The following TTC3 variants were observed in gnomAD, a reference collection of about 807,000 sequenced individuals.
The protein encoded by TTC3 is E3 ubiquitin-protein ligase TTC3.
A neutral mutation model predicts 249.6 loss-of-function variants in TTC3; 180 were observed. The ratio of observed to expected loss-of-function variants is 0.72; its 90% confidence interval spans 0.64 to 0.82. TTC3 has a LOEUF of 0.82. Among genes scored for constraint, TTC3 ranks in the 40% least tolerant of loss-of-function variants. TTC3 has a pLI of 0.00. For synonymous variants in TTC3, 717 were observed against 805.0 expected, an observed-to-expected ratio of 0.89 and a Z score of 1.85; for missense variants, 2,061 against 2,398.4, an observed-to-expected ratio of 0.86 and a Z score of 2.94.
rs187447995 is a variant in TTC3 at position 37,103,542 on chromosome 21, G to C, written c.846-4850G>C. ...AGTTGTAGGATGTGGTCATATGCCA[G>C]TAAATGTGAAATTTTATTAGTATTA... On this transcript the variant is annotated intron_variant, in intron 10 of 45. Transcript: ENST00000355666. 2.6e-5 allele frequency among the ~76,000 whole-genome samples: 4 copies of C among 152,302 alleles called. No individual in the cohort carries two copies. In the East Asian group the frequency reaches 7.7e-4, roughly 29 times the overall value.
Position 37,134,867 on chromosome 21 carries a change from T to G in TTC3, c.1444-513T>G, listed in dbSNP as rs184699795. 5.4e-4 allele frequency among the ~76,000 whole-genome samples: 82 copies of G among 152,354 alleles called. 1 individual carries two copies. Among genetic ancestry groups the G allele is most frequent in the Non-Finnish European group, 1.1e-3 (72 of 68,028 alleles). On this transcript the variant is annotated intron_variant, in intron 17 of 45. Transcript: ENST00000355666. Reference sequence around the variant, plus strand: ...TCCCAGTAATTTTATCTACTTATATTCAAATATATGTTAGGCAGGAGTACA... The same window carrying G: ...TCCCAGTAATTTTATCTACTTATATGCAAATATATGTTAGGCAGGAGTACA...
chr21:37,140,753 AATT>A (rs1422783548), intron 20 of TTC3, 80 bp downstream of exon 20: 1 of 979,886 alleles, frequency 1.0e-6, no homozygotes, highest in Non-Finnish European at 1.5e-6. Context: ...CATTTTCTAG[AATT>A]ATTTTGATAT....
intron 14 of TTC3, 87 bp from the exon 15 acceptor site, chr21:37,125,993 C>G (rs2077011839): frequency 1.6e-6 from 2 of 1,277,246 alleles, no homozygotes; most frequent in African/African-American, 3.1e-5. Context: ...CTATCCTATT[C>G]TATTCTAAAT....
At chr21:37,126,354 TAAAAG>T (rs1253217969) in intron 15 of TTC3, among the ~76,000 whole-genome samples, 2 of 152,232 alleles carry the variant, frequency 1.3e-5, no homozygotes, top group Non-Finnish European at 2.9e-5. Context: ...GAAATTCAAA[TAAAAG>T]GAAAGGAAAA....
chr21:37,113,761 G>A (rs1293978610), intron 11 of TTC3, among the ~76,000 whole-genome samples: 1 of 152,166 alleles, frequency 6.6e-6, no homozygotes, highest in Non-Finnish European at 1.5e-5. Flanking sequence ...AAAGCTGGAG[G>A]CATCATGCTT....
chr21:37,128,913 A>T, intron 15 of TTC3, 90 bp from the exon 16 acceptor site: 1 of 993,418 alleles, frequency 1.0e-6, no homozygotes, highest in Non-Finnish European at 1.4e-6. Context: ...CTGTTTTCTT[A>T]CTCCAATTTA....
intron 33 of TTC3, 60 bp downstream of exon 33, chr21:37,166,675 C>A: frequency 6.7e-7 from 1 of 1,496,474 alleles, no homozygotes; most frequent in Non-Finnish European, 8.9e-7. Flanking sequence ...TTTCATTTTT[C>A]ATTGCCGTTA....
chr21:37,176,090 A>G (rs996365870), intron 35 of TTC3, among the ~76,000 whole-genome samples: 3 of 152,190 alleles, frequency 2.0e-5, no homozygotes, highest in Non-Finnish European at 4.4e-5. Context: ...TGCCTGGCCA[A>G]AAGTAGCTTT....
intron 13 of TTC3, 78 bp from the exon 14 acceptor site, chr21:37,124,541 G>A: frequency 6.7e-7 from 1 of 1,486,050 alleles, no homozygotes; most frequent in South Asian, 1.2e-5. Context: ...AGGAAAAAAG[G>A]CTGTGATTGC....
rs1055313270 is a variant in TTC3 at position 37,130,783 on chromosome 21, A to C, written c.1358+1720A>C. On this transcript the variant is annotated intron_variant, in intron 16 of 45. Transcript: ENST00000355666. Reference sequence around the variant, plus strand: ...TCCCTCACTTTCTATCCCTCTATCCATCTCTCTCTTTTTCTTCTTCCTTTG... The same window carrying C: ...TCCCTCACTTTCTATCCCTCTATCCCTCTCTCTCTTTTTCTTCTTCCTTTG... Among the ~76,000 whole-genome samples the C allele has an allele frequency of 4.6e-5, 6 of 130,790 alleles. No individual in the cohort carries two copies. In the Admixed American group the frequency reaches 4.9e-4, roughly 11 times the overall value. The allele number at this position is 130,790 out of a possible 152,430, so 85.8% of individuals were successfully genotyped here. A position where few individuals can be genotyped will look rare whatever the true frequency, so the allele number is the denominator to read the frequency against.
intron 5 of TTC3, 37 bp from the exon 6 acceptor site, chr21:37,090,196 G>T: frequency 6.5e-7 from 1 of 1,530,204 alleles, no homozygotes; most frequent in South Asian, 1.2e-5. Context: ...AGAATTGACT[G>T]AATAAGGAAA....
intron 11 of TTC3, among the ~76,000 whole-genome samples, chr21:37,112,147 G>A (rs2075726816): frequency 6.6e-6 from 1 of 152,102 alleles, no homozygotes; most frequent in Admixed American, 6.6e-5. Flanking sequence ...AGAGAAGCAA[G>A]AGCAAACACA....
chr21:37,134,469 A>G (rs1392632073), intron 17 of TTC3, among the ~76,000 whole-genome samples: 1 of 151,586 alleles, frequency 6.6e-6, no homozygotes, highest in Non-Finnish European at 1.5e-5. Flanking sequence ...AGCCAGCAGA[A>G]GGCTTTTGTT....
intron 17 of TTC3, 63 bp from the exon 18 acceptor site, chr21:37,135,316 AT>A (rs2077830767): frequency 7.9e-6 from 12 of 1,521,396 alleles, no homozygotes; most frequent in Non-Finnish European, 9.8e-6. Flanking sequence ...TGAACTTGGC[AT>A]CTTAGGTTTT....
intron 18 of TTC3, 28 bp from the exon 19 acceptor site, chr21:37,138,606 T>G: frequency 1.9e-6 from 3 of 1,579,958 alleles, no homozygotes; most frequent in South Asian, 2.2e-5. Context: ...TATATTCAGA[T>G]TTTTAACTGA....
At chr21:37,166,263 C>T (rs765026280) in exon 33 of TTC3, 27 of 1,614,086 alleles carry the variant, frequency 1.7e-5, no homozygotes, top group African/African-American at 4.0e-5. Flanking sequence ...AGCATATATA[C>T]ACCCTTGGCC....
chr21:37,150,668 C>G (rs1195630873), intron 24 of TTC3, 152 bp from the exon 25 acceptor site: 1 of 630,560 alleles, frequency 1.6e-6, no homozygotes, highest in East Asian at 3.1e-5. Flanking sequence ...TTTGCTAAAG[C>G]TTTCTGGGCT....
intron 16 of TTC3, among the ~76,000 whole-genome samples, chr21:37,131,873 G>T (rs2077499108): frequency 6.6e-6 from 1 of 152,174 alleles, no homozygotes. Flanking sequence ...TCCACATCGA[G>T]TGCCTCAGAT....
chr21:37,108,435 A>G (rs1568937098), exon 11 of TTC3: 1 of 1,612,390 alleles, frequency 6.2e-7, no homozygotes, highest in Non-Finnish European at 8.5e-7. Context: ...TCTGAAGAAC[A>G]CTTGGCCAAA....
Sources: allele counts gnomAD v4.1 joint callset (sites outside exome capture counted in the v4.1 genomes callset), GRCh38; gene constraint gnomAD v4.1.1; transcripts MANE v1.5; gene names NCBI Gene and HGNC (gene_info 2026-07-23, HGNC 2026-07-21).